Variants in SUPT3H observed in about 807,000 individuals in gnomAD.
SUPT3H encodes SPT3 homolog, SAGA and STAGA complex component.
A neutral mutation model predicts 44.3 loss-of-function variants in SUPT3H; 44 were observed. The ratio of observed to expected loss-of-function variants is 0.99; its 90% CI spans 0.78 to 1.28. The LOEUF (loss-of-function observed/expected upper bound fraction) is 1.28. SUPT3H is among the 50% of genes most tolerant of loss of function. The probability of loss-of-function intolerance (pLI) is 0.00; values close to 1 mark genes in which losing one functional copy is unlikely to be tolerated. For synonymous variants in SUPT3H, 124 were observed against 125.6 expected, an observed-to-expected ratio of 0.99 and a Z score of 0.09; for missense variants, 380 against 387.1, an observed-to-expected ratio of 0.98 and a Z score of 0.15.
chr6:44,974,297 G>T (rs1428691309), intron 6 of SUPT3H, among the ~76,000 whole-genome samples: 2 of 111,004 alleles, frequency 1.8e-5, no homozygotes, highest in Admixed American at 1.7e-4. Flanking sequence ...ACACATATAT[G>T]TATAATGTGT....
intron 2 of SUPT3H, chr6:45,328,842 T>C (rs1225683459): frequency 3.3e-6 from 5 of 1,533,882 alleles, no homozygotes; most frequent in Non-Finnish European, 4.5e-6. Context: ...CATAAAGGTA[T>C]GATTCTTTGA....
At chr6:45,290,455 T>TTA (rs67882992) in intron 2 of SUPT3H, among the ~76,000 whole-genome samples, 3,901 of 85,890 alleles carry the variant, frequency 0.045, 191 homozygotes, top group South Asian at 0.13. Flanking sequence ...GCATGGATGA[T>TTA]CAAAAAAAAA....
intron 2 of SUPT3H, among the ~76,000 whole-genome samples, chr6:45,273,235 A>G (rs1776492975): frequency 6.6e-6 from 1 of 152,194 alleles, no homozygotes; most frequent in African/African-American, 2.4e-5. Flanking sequence ...TACAAACAAG[A>G]TACATTTTTT....
chr6:45,116,766 GTACAATTCAATAAC>G (rs1800906324), intron 2 of SUPT3H, among the ~76,000 whole-genome samples: 1 of 152,092 alleles, frequency 6.6e-6, no homozygotes, highest in Non-Finnish European at 1.5e-5. Context: ...GTTTAAAAGT[GTACAATTCAATAAC>G]TTTTAGTAAA....
intron 2 of SUPT3H, among the ~76,000 whole-genome samples, chr6:45,254,598 G>A (rs1037578944): frequency 1.3e-5 from 2 of 152,128 alleles, no homozygotes; most frequent in African/African-American, 4.8e-5. Flanking sequence ...GAAGAGAGCT[G>A]TAGTATCAGG....
chr6:44,855,372 T>G (rs1773553003), intron 10 of SUPT3H, among the ~76,000 whole-genome samples: 1 of 152,132 alleles, frequency 6.6e-6, no homozygotes, highest in Non-Finnish European at 1.5e-5. Flanking sequence ...ACATCCTGGC[T>G]CTAGTGTGCT....
chr6:45,104,864 T>C (rs1405174218), intron 3 of SUPT3H, among the ~76,000 whole-genome samples: 7 of 152,156 alleles, frequency 4.6e-5, no homozygotes, highest in African/African-American at 7.2e-5. Flanking sequence ...TATAAAATCA[T>C]GTAATCTCAA....
intron 2 of SUPT3H, among the ~76,000 whole-genome samples, chr6:45,170,176 A>G (rs1160625381): frequency 1.3e-5 from 2 of 152,212 alleles, no homozygotes; most frequent in Non-Finnish European, 2.9e-5. Context: ...CAAACTATCA[A>G]TATTTGTAAT....
intron 2 of SUPT3H, among the ~76,000 whole-genome samples, chr6:45,202,336 A>T (rs1281170292): frequency 4.6e-5 from 7 of 151,990 alleles, no homozygotes; most frequent in Admixed American, 3.9e-4. Context: ...TTTAAAAAAA[A>T]TTTCACATCC....
At chr6:44,972,006 C>T (rs62436395) in intron 6 of SUPT3H, among the ~76,000 whole-genome samples, 31,192 of 151,874 alleles carry the variant, frequency 0.21, 3,911 homozygotes, top group Non-Finnish European at 0.29. Flanking sequence ...TATCTCCTGA[C>T]CTTGTGATCT....
chr6:45,371,174 C>T (rs2150309519), intron 1 of SUPT3H, among the ~76,000 whole-genome samples: 1 of 152,224 alleles, frequency 6.6e-6, no homozygotes, highest in South Asian at 2.1e-4. Context: ...ATAAGCAGCT[C>T]CCTTAAAAAT....
In SUPT3H at chr6:44,953,419, T is replaced by C; in HGVS notation, c.694-2A>G. ...CACAAGAAGAGCCAGATCCACTAAC[T>C]AGAAGACCAGAAGAATGAAAGTCAC... On this transcript the variant is annotated splice_acceptor_variant, in intron 8 of 10. Transcript: ENST00000371459. LOFTEE classifies it high-confidence loss of function. 2.5e-6 allele frequency: 4 copies of C among 1,612,368 alleles called. No homozygotes were observed. Among genetic ancestry groups the C allele is most frequent in the Non-Finnish European group, 3.4e-6 (4 of 1,178,474 alleles).
At chr6:44,823,399 A>C (rs1767499253), downstream of SUPT3H, among the ~76,000 whole-genome samples, 1 of 152,102 alleles carries the variant, frequency 6.6e-6, no homozygotes, top group Non-Finnish European at 1.5e-5. Context: ...AGGAAAGAAG[A>C]GGCAGATTGA....
chr6:45,373,723 T>C (rs1039640954), intron 1 of SUPT3H, among the ~76,000 whole-genome samples: 1 of 152,102 alleles, frequency 6.6e-6, no homozygotes, highest in Non-Finnish European at 1.5e-5. Context: ...GCTAATTTTT[T>C]TGTAATTTTA....
chr6:45,256,964 T>C (rs1239374319), intron 2 of SUPT3H, among the ~76,000 whole-genome samples: 8 of 152,196 alleles, frequency 5.3e-5, no homozygotes, highest in South Asian at 2.1e-4. Context: ...AGATGTAGAA[T>C]TGCTAGGTCA....
chr6:45,287,423 T>G (rs1249124200), intron 2 of SUPT3H, among the ~76,000 whole-genome samples: 1 of 152,100 alleles, frequency 6.6e-6, no homozygotes, highest in African/African-American at 2.4e-5. Flanking sequence ...GCATTTAGCC[T>G]TAAAAAGAAA....
chr6:45,325,617 AT>A (rs1786221708), intron 2 of SUPT3H, among the ~76,000 whole-genome samples: 1 of 151,464 alleles, frequency 6.6e-6, no homozygotes, highest in Admixed American at 6.6e-5. Context: ...CCCAGAGAGG[AT>A]AAAATTTTAT....
rs184396818 is a variant in SUPT3H at position 45,292,272 on chromosome 6, C to T, written c.101+72929G>A. 2.4e-4 allele frequency among the ~76,000 whole-genome samples: 36 copies of T among 152,164 alleles called. No homozygotes were observed. In the East Asian group the frequency reaches 3.3e-3, roughly 14 times the overall value. On this transcript the variant is annotated intron_variant, in intron 2 of 10. Coordinates refer to ENST00000371459, the MANE Select transcript of SUPT3H (RefSeq NM_003599.4). ...TCGCCACTACCAAGCCACCACTACACGAGCTGCTAAAAGGAGCTCTAAATC... is the reference window on the plus strand; with the variant it reads ...TCGCCACTACCAAGCCACCACTACATGAGCTGCTAAAAGGAGCTCTAAATC...
chr6:45,252,775 G>A (rs1772606458), intron 2 of SUPT3H, among the ~76,000 whole-genome samples: 1 of 152,108 alleles, frequency 6.6e-6, no homozygotes, highest in Admixed American at 6.5e-5. Flanking sequence ...TAGTGGTAGA[G>A]CAACAAGACA....
Sources: allele counts gnomAD v4.1 joint callset (sites outside exome capture counted in the v4.1 genomes callset), GRCh38; gene constraint gnomAD v4.1.1; transcripts MANE v1.5; gene names NCBI Gene and HGNC (gene_info 2026-07-23, HGNC 2026-07-21).